The following DLEC1 variants were observed in gnomAD, a reference collection of about 807,000 sequenced individuals.
DLEC1 encodes deleted in lung and esophageal cancer protein 1.
In DLEC1, 146 loss-of-function variants were observed where a neutral mutation model predicts 198.1. The observed-to-expected ratio is 0.74, with a 90% CI of 0.64 to 0.85. DLEC1 has a LOEUF of 0.85. DLEC1 is among the 40% of genes least tolerant of loss of function. DLEC1 has a pLI of 0.00. For synonymous variants in DLEC1, 897 were observed against 866.8 expected (o/e 1.03, Z -0.61); for missense variants, 2,233 against 2,220.0 (o/e 1.01, Z -0.12).
At chr3:38,068,857 A>G (rs1697168913) in intron 6 of DLEC1, among the ~76,000 whole-genome samples, 1 of 152,382 alleles carries the variant, frequency 6.6e-6, no homozygotes, top group South Asian at 2.1e-4. Flanking sequence ...CCTCATGCTC[A>G]GCTGTGAATA....
rs547604407 is a variant in DLEC1, at chr3:38,083,402, T to A, written c.1174-756T>A. On this transcript the variant is annotated intron_variant, in intron 6 of 36. Coordinates refer to ENST00000308059, the MANE Select transcript of DLEC1 (RefSeq NM_007335.4). ...GTTGCAAAGTACTCAGTGGGGGAGC[T>A]TTTTGAGCCAGGATTGGCCAGGAAA... Among the ~76,000 whole-genome samples, 11 of 152,172 alleles carry A rather than the reference T, an allele frequency of 7.2e-5. No homozygotes were observed. The South Asian group carries it at 1.9e-3, about 26-fold the overall frequency.
intron 6 of DLEC1, among the ~76,000 whole-genome samples, chr3:38,077,034 A>C (rs1040708407): frequency 6.6e-6 from 1 of 152,190 alleles, no homozygotes; most frequent in Admixed American, 6.5e-5. Context: ...GAATAAGAGA[A>C]GGAGAAAAAC....
rs899979879 is a variant in DLEC1, at chr3:38,117,720, C to T, written c.4486-86C>T. On this transcript the variant is annotated intron_variant, in intron 32 of 36. Transcript: ENST00000308059. The stretch of plus-strand genomic sequence containing the variant: ...TAGTCTGAGCCCAAATCCCCTCCCC[C>T]AGCCCTCCCAGCCCTACCCTAGAGC... 8 of 1,591,724 alleles carry T rather than the reference C, an allele frequency of 5.0e-6. No homozygotes were observed. In the East Asian group the frequency reaches 9.0e-5, roughly 18 times the overall value.
chr3:38,121,851 G>C, intron 35 of DLEC1, 70 bp downstream of exon 35: 1 of 1,573,430 alleles, frequency 6.4e-7, no homozygotes, highest in Non-Finnish European at 8.6e-7. Flanking sequence ...CCCCCAGGAA[G>C]GGGCCCCTGT....
chr3:38,043,692 C>A (rs1179559611), intron 1 of DLEC1, among the ~76,000 whole-genome samples: 1 of 152,066 alleles, frequency 6.6e-6, no homozygotes, highest in Non-Finnish European at 1.5e-5. Flanking sequence ...GGTAATTACA[C>A]AATAAATCTT....
intron 34 of DLEC1, among the ~76,000 whole-genome samples, chr3:38,120,910 G>A (rs892419975): frequency 6.6e-6 from 1 of 152,218 alleles, no homozygotes; most frequent in Non-Finnish European, 1.5e-5. Flanking sequence ...AGGGAAACAC[G>A]TTGACAGCCA....
intron 31 of DLEC1, 87 bp downstream of exon 31, chr3:38,117,389 A>T: frequency 6.2e-7 from 1 of 1,601,316 alleles, no homozygotes; most frequent in Non-Finnish European, 8.5e-7. Context: ...GGGTTCTCAG[A>T]GCAAAAGGAC....
chr3:38,107,992 G>A (rs1044055546), intron 20 of DLEC1, among the ~76,000 whole-genome samples: 5 of 152,194 alleles, frequency 3.3e-5, no homozygotes, highest in Non-Finnish European at 7.3e-5. Flanking sequence ...CATAGCTAGA[G>A]CCTCCCAGCC....
At chr3:38,092,758 G>A in intron 10 of DLEC1, 32 bp from the exon 11 acceptor site, 1 of 1,600,802 alleles carries the variant, frequency 6.2e-7, no homozygotes, top group Non-Finnish European at 8.6e-7. Context: ...CCCTTTAATG[G>A]GAGGTAACGG....
intron 9 of DLEC1, among the ~76,000 whole-genome samples, chr3:38,087,905 G>A (rs552973113): frequency 1.8e-4 from 27 of 152,184 alleles, no homozygotes; most frequent in Non-Finnish European, 3.2e-4. Context: ...GTGACACTGG[G>A]TGTTACTGTA....
Position 38,073,527 on chromosome 3 carries a change from C to T in DLEC1, c.1173+9608C>T, listed in dbSNP as rs557532968. ...ACTTGTGGGTTAAGGTGGGGGGATA[C>T]GAGAGGAAGACACAAAGGAGGCTTT... is the stretch of plus-strand genomic sequence containing the variant. On this transcript the variant is annotated intron_variant, in intron 6 of 36. Transcript: ENST00000308059. Among the ~76,000 whole-genome samples the T allele has an allele frequency of 7.2e-5, 11 of 151,792 alleles. No homozygotes were observed. In the South Asian group the frequency reaches 8.3e-4, roughly 11 times the overall value.
rs370907627 is a variant in DLEC1, at chr3:38,112,188, C to T, written c.3515-22C>T. ...CCCAACCCCAGGCCCGTGAATCCCC[C>T]ACAGTCGCGGTTCTTTCCCAGATTT... On this transcript the variant is annotated intron_variant, in intron 24 of 36. Transcript: ENST00000308059. The surrounding 1 kb of genome is among the most constrained non-coding windows in gnomAD (Gnocchi z 4.8). The T allele has an allele frequency of 3.4e-5, 55 of 1,613,760 alleles. No homozygotes were observed. Among genetic ancestry groups the T allele is most frequent in the Non-Finnish European group, 4.7e-5 (55 of 1,179,860 alleles).
At chr3:38,082,470 C>T (rs377376976) in intron 6 of DLEC1, among the ~76,000 whole-genome samples, 207 of 151,976 alleles carry the variant, frequency 1.4e-3, no homozygotes, top group African/African-American at 4.7e-3. Flanking sequence ...TCGGGCCCCG[C>T]GGGGCCCGTC....
At chr3:38,120,631 A>C (rs199746496) in intron 34 of DLEC1, 22 bp downstream of exon 34, 2 of 1,611,812 alleles carry the variant, frequency 1.2e-6, no homozygotes, top group African/African-American at 1.3e-5. Flanking sequence ...GCCCACCTAC[A>C]TGTGGAGGAG....
At chr3:38,056,009 A>G (rs2125598379) in intron 2 of DLEC1, among the ~76,000 whole-genome samples, 1 of 151,530 alleles carries the variant, frequency 6.6e-6, no homozygotes, top group East Asian at 2.0e-4. Context: ...ACTTGAGCCC[A>G]GGAGTTTGAG....
At chr3:38,079,354 T>C (rs549471507) in intron 6 of DLEC1, among the ~76,000 whole-genome samples, 119 of 152,008 alleles carry the variant, frequency 7.8e-4, no homozygotes, top group East Asian at 3.3e-3. Context: ...GAAGCCTGGC[T>C]GTCAATACCC....
chr3:38,096,428 C>A lies in DLEC1; in HGVS notation c.2172-141C>A, dbSNP rs562050120. 4.1e-6 allele frequency: 4 copies of A among 983,404 alleles called. No individual in the cohort carries two copies. In the South Asian group the frequency reaches 6.6e-5, roughly 16 times the overall value. 60.9% of individuals were successfully genotyped at this position (983,404 alleles called of 1,614,324 possible). Reference sequence around the variant, plus strand: ...ATCACCTTTCAGGCACTGGCTAATGCCTTTGATTTAGGGGGCTCAGGAGCT... The same window carrying A: ...ATCACCTTTCAGGCACTGGCTAATGACTTTGATTTAGGGGGCTCAGGAGCT... On this transcript the variant is annotated intron_variant, in intron 14 of 36. Coordinates refer to ENST00000308059, the MANE Select transcript of DLEC1 (RefSeq NM_007335.4).
intron 6 of DLEC1, among the ~76,000 whole-genome samples, chr3:38,065,763 G>GT (rs1433771445): frequency 6.6e-6 from 1 of 151,958 alleles, no homozygotes; most frequent in Admixed American, 6.6e-5. Context: ...ATCTTCATTT[G>GT]TTTTAAAAAA....
intron 1 of DLEC1, 140 bp downstream of exon 1, chr3:38,039,776 C>G (rs965231438): frequency 8.6e-6 from 10 of 1,156,300 alleles, no homozygotes; most frequent in African/African-American, 1.6e-5. Context: ...CGAAGTGGGC[C>G]CGACATTCTA....
Sources: allele counts gnomAD v4.1 joint callset (sites outside exome capture counted in the v4.1 genomes callset), GRCh38; gene constraint gnomAD v4.1.1; non-coding constraint Gnocchi (gnomAD v3.1); transcripts MANE v1.5; gene names NCBI Gene and HGNC (gene_info 2026-07-23, HGNC 2026-07-21).